PDGFRL: variants seen among roughly 807,000 people sequenced by gnomAD.
The protein encoded by PDGFRL is platelet-derived growth factor receptor-like protein.
In PDGFRL, 46 loss-of-function variants were observed where a neutral mutation model predicts 37.2. That is an observed-to-expected ratio of 1.24 (90% CI 0.98 to 1.58). The LOEUF is 1.58. Among genes scored for constraint, PDGFRL ranks in the 40% most tolerant of loss-of-function variants. The pLI is 0.00. For missense variants in PDGFRL, 692 were observed against 467.6 expected (o/e 1.48, Z -4.43); for synonymous variants, 251 against 184.3 (o/e 1.36, Z -2.93).
intron 4 of PDGFRL, among the ~76,000 whole-genome samples, chr8:17,629,309 A>T (rs537755208): frequency 6.6e-6 from 1 of 151,700 alleles, no homozygotes; most frequent in Admixed American, 6.6e-5. Context: ...TATGACCCTG[A>T]CCGAAAACCC....
chr8:17,581,622 G>A (rs2517272), intron 1 of PDGFRL, among the ~76,000 whole-genome samples: 47,470 of 151,648 alleles, frequency 0.31, 7,660 homozygotes, highest in South Asian at 0.45. Context: ...TGTGGATTCT[G>A]TATTATTTCC....
intron 2 of PDGFRL, among the ~76,000 whole-genome samples, chr8:17,618,169 C>T (rs1009735927): frequency 6.6e-6 from 1 of 152,084 alleles, no homozygotes. Context: ...AGAGATCCTC[C>T]CACATCAGCC....
At chr8:17,612,460 TC>T (rs929581947) in intron 2 of PDGFRL, among the ~76,000 whole-genome samples, 1 of 152,070 alleles carries the variant, frequency 6.6e-6, no homozygotes, top group African/African-American at 2.4e-5. Context: ...CACCTCTGCC[TC>T]CCGGGTTCAA....
At chr8:17,622,714 C>G (rs1202479951) in intron 3 of PDGFRL, among the ~76,000 whole-genome samples, 1 of 152,110 alleles carries the variant, frequency 6.6e-6, no homozygotes, top group Admixed American at 6.6e-5. Context: ...AAGGAAAGCT[C>G]TCAGCAAAAA....
At chr8:17,635,888 G>A (rs1028957788) in intron 5 of PDGFRL, among the ~76,000 whole-genome samples, 2 of 152,082 alleles carry the variant, frequency 1.3e-5, no homozygotes, top group South Asian at 2.1e-4. Context: ...TGTTGAGTAC[G>A]TTTTCATATG....
At chr8:17,590,616 G>A (rs1250569301) in intron 2 of PDGFRL, among the ~76,000 whole-genome samples, 1 of 151,908 alleles carries the variant, frequency 6.6e-6, no homozygotes, top group East Asian at 2.0e-4. Flanking sequence ...CAGAGCTGAG[G>A]CAGAAGAGTC....
intron 2 of PDGFRL, among the ~76,000 whole-genome samples, chr8:17,601,622 C>T (rs893487829): frequency 5.9e-5 from 9 of 152,088 alleles, no homozygotes; most frequent in East Asian, 1.9e-4. Flanking sequence ...CTCTTCCCAC[C>T]CTCCACCTTC....
chr8:17,633,490 T>G (rs1425186368), intron 4 of PDGFRL, among the ~76,000 whole-genome samples: 1 of 152,102 alleles, frequency 6.6e-6, no homozygotes, highest in East Asian at 1.9e-4. Context: ...ATCGCGCAGC[T>G]GCACTCCAGC....
chr8:17,600,950 C>G (rs531366574), intron 2 of PDGFRL, among the ~76,000 whole-genome samples: 1 of 152,214 alleles, frequency 6.6e-6, no homozygotes, highest in African/African-American at 2.4e-5. Context: ...CCAGTGCTCT[C>G]CAGCCTGGGA....
chr8:17,620,974 A>G (rs1804617844), intron 2 of PDGFRL, 77 bp from the exon 3 acceptor site: 1 of 1,044,714 alleles, frequency 9.6e-7, no homozygotes, highest in African/African-American at 1.6e-5. Flanking sequence ...CCCAGAGAAC[A>G]GTGGAGCCGA....
At chr8:17,601,479 A>G (rs984195095) in intron 2 of PDGFRL, among the ~76,000 whole-genome samples, 3 of 151,018 alleles carry the variant, frequency 2.0e-5, no homozygotes, top group Admixed American at 6.6e-5. Context: ...CCTCTTTCTA[A>G]CTTTTAGGTT....
At chr8:17,579,637 G>A (rs559923724) in intron 1 of PDGFRL, among the ~76,000 whole-genome samples, 13 of 151,422 alleles carry the variant, frequency 8.6e-5, no homozygotes, top group South Asian at 4.2e-4. Flanking sequence ...CACAATCTTA[G>A]CTCACTGCGA....
At chr8:17,587,282 A>C (rs1396920283) in intron 1 of PDGFRL, among the ~76,000 whole-genome samples, 4 of 152,204 alleles carry the variant, frequency 2.6e-5, no homozygotes, top group African/African-American at 4.8e-5. Context: ...CATAATCTCC[A>C]AAATCAGATA....
intron 1 of PDGFRL, among the ~76,000 whole-genome samples, chr8:17,583,754 T>C (rs1433983487): frequency 6.6e-6 from 1 of 152,096 alleles, no homozygotes; most frequent in Non-Finnish European, 1.5e-5. Flanking sequence ...CACTAATTCA[T>C]GTAAGAGCTG....
chr8:17,625,447 G>T (rs2129785225), intron 3 of PDGFRL, among the ~76,000 whole-genome samples: 1 of 72,162 alleles, frequency 1.4e-5, no homozygotes, highest in Non-Finnish European at 3.2e-5. Context: ...ACTGCACCTG[G>T]TCGAGTTTTT....
At chr8:17,627,989 C>CT (rs35707610) in intron 3 of PDGFRL, among the ~76,000 whole-genome samples, 5,704 of 89,090 alleles carry the variant, frequency 0.064, 389 homozygotes, top group Non-Finnish European at 0.072. Flanking sequence ...TTCTTTCTTT[C>CT]TTTTTTTTTT....
chr8:17,595,964 G>A (rs766013001), intron 2 of PDGFRL, among the ~76,000 whole-genome samples: 12 of 152,226 alleles, frequency 7.9e-5, no homozygotes, highest in Non-Finnish European at 1.6e-4. Flanking sequence ...TGAGCCTCCA[G>A]TGGGTGAAAC....
intron 4 of PDGFRL, among the ~76,000 whole-genome samples, chr8:17,633,775 C>G (rs1284118060): frequency 2.0e-5 from 3 of 152,188 alleles, no homozygotes; most frequent in Non-Finnish European, 4.4e-5. Flanking sequence ...TTCCCCCTCA[C>G]CTCTTCATTC....
At chr8:17,624,385 G>C (rs1804692661) in intron 3 of PDGFRL, among the ~76,000 whole-genome samples, 1 of 152,144 alleles carries the variant, frequency 6.6e-6, no homozygotes, top group Non-Finnish European at 1.5e-5. Flanking sequence ...CTTGATCCAG[G>C]AGGATCTTGG....
Sources: gnomAD v4.1 joint callset for allele counts (sites outside exome capture counted in the v4.1 genomes callset) on GRCh38, gnomAD v4.1.1 for gene constraint, MANE v1.5 for transcripts, NCBI Gene and HGNC (gene_info 2026-07-23, HGNC 2026-07-21) for gene names.